Variants in ZNF831 observed in about 807,000 individuals in gnomAD.
ZNF831 encodes the protein zinc finger protein 831, also known as chromosome 20 open reading frame 174.
In ZNF831, 59 loss-of-function variants were observed where a neutral mutation model predicts 95.8. The observed-to-expected ratio is 0.62, with a 90% CI of 0.50 to 0.77. The LOEUF (loss-of-function observed/expected upper bound fraction) is 0.77, where lower values mean the gene tolerates loss of function less well. ZNF831 is among the 30% of genes least tolerant of loss of function. The pLI is 0.00. For synonymous variants in ZNF831, 961 were observed against 925.5 expected (o/e 1.04, Z -0.70); for missense variants, 2,205 against 2,164.0 (o/e 1.02, Z -0.38).
rs772028984 is a variant in ZNF831 at position 59,254,191 on chromosome 20, T to C, written c.4482T>C (p.Cys1494=). 6.2e-7 allele frequency: 1 copy of C among 1,614,124 alleles called. No homozygotes were observed. The change falls in exon 6 of 6, where the codon TGT becomes TGC. Residue 1494 remains cysteine (C), a synonymous_variant. Coordinates refer to ENST00000371030, the MANE Select transcript of ZNF831 (RefSeq NM_178457.3). The surrounding 1 kb of genome is among the most constrained non-coding windows in gnomAD (Gnocchi z 4.5). ...HDIATSVAAV[C]ISLPVRTDHI... ...TTGCTACCTCTGTGGCTGCCGTTTG[T>C]ATTTCTCTGCCAGTGAGAACAGATC...
At chr20:59,209,779 ATTTC>A (rs1985164561) in intron 4 of ZNF831, among the ~76,000 whole-genome samples, 1 of 134,950 alleles carries the variant, frequency 7.4e-6, no homozygotes, top group Non-Finnish European at 1.6e-5. Flanking sequence ...ATTTCCTGCT[ATTTC>A]CTTGGTTTGT....
At chr20:59,130,424 T>C (rs544874093) in intron 1 of ZNF831, among the ~76,000 whole-genome samples, 41 of 152,336 alleles carry the variant, frequency 2.7e-4, no homozygotes, top group African/African-American at 8.7e-4. Context: ...GCATCCGGCC[T>C]GGCACTCTGA....
chr20:59,186,443 G>A (rs1174170991), intron 1 of ZNF831, among the ~76,000 whole-genome samples: 1 of 152,146 alleles, frequency 6.6e-6, no homozygotes, highest in African/African-American at 2.4e-5. Flanking sequence ...TGAAATAAAT[G>A]GAGCGCTTAC....
Position 59,195,975 on chromosome 20 carries a change from A to G in ZNF831, c.3845A>G (p.Lys1282Arg). 6.2e-7 allele frequency: 1 copy of G among 1,614,156 alleles called. No homozygotes were observed. Among genetic ancestry groups the G allele is most frequent in the Non-Finnish European group, 8.5e-7 (1 of 1,180,002 alleles). The part of the protein sequence containing the change: ...WRAKMSRGNS[K>R]QRKLKINPKR... Reference sequence around the variant, plus strand: ...GCAAAGATGTCTCGTGGGAACAGCAAGCAGAGAAAACTGAAGATCAACCCT... The same window carrying G: ...GCAAAGATGTCTCGTGGGAACAGCAGGCAGAGAAAACTGAAGATCAACCCT... The change falls in exon 3 of 6, where the codon AAG (lysine) becomes AGG (arginine). Residue 1282 changes from lysine (K) to arginine (R), a missense_variant. Transcript: ENST00000371030.
chr20:59,174,290 G>C (rs1368320672), intron 1 of ZNF831, among the ~76,000 whole-genome samples: 2 of 152,174 alleles, frequency 1.3e-5, no homozygotes, highest in East Asian at 3.8e-4. Flanking sequence ...AAGGCTGTAG[G>C]CTGCACAGGG....
rs373394158 is a variant in ZNF831 at position 59,194,600 on chromosome 20, T to C, written c.3581T>C (p.Leu1194Pro). 3 of 1,612,254 alleles carry C rather than the reference T, an allele frequency of 1.9e-6. No individual in the cohort carries two copies. Among genetic ancestry groups the C allele is most frequent in the African/African-American group, 1.3e-5 (1 of 74,892 alleles). Residue 1194 changes from leucine to proline, a missense_variant, in exon 2 of 6, where the codon CTG becomes CCG. Leu to Pro is a moderately conservative substitution (Grantham distance 98). Transcript: ENST00000371030. ...TGTTGCCTGAGCCGCAGTGTCCCTC[T>C]GCCCGCGGAGCAGAAGGCAAAGGCG... ...TWCCLSRSVP[L>P]PAEQKAKAAS...
At chr20:59,199,567 T>C (rs936718391) in intron 3 of ZNF831, among the ~76,000 whole-genome samples, 3 of 152,198 alleles carry the variant, frequency 2.0e-5, no homozygotes, top group East Asian at 3.9e-4. Flanking sequence ...ATCAAATTCA[T>C]TCATTCTGAT....
rs548096771 is a variant in ZNF831 at position 59,130,571 on chromosome 20, G to T, written c.-1425+7066G>T. ...CTGTGTGAACATGTCCTGTGGATGT[G>T]GGTGCACCTTGGGGCTTCTAAACGC... On this transcript the variant is annotated intron_variant, in intron 1 of 7. Transcript: ENST00000637017. Among the ~76,000 whole-genome samples, 100 of 152,284 alleles carry T rather than the reference G, an allele frequency of 6.6e-4. 1 individual carries two copies. The highest frequency in any genetic ancestry group is 4.4e-3 in the Admixed American group (67 of 15,298).
chr20:59,216,487 G>A (rs911494589), intron 4 of ZNF831, among the ~76,000 whole-genome samples: 30 of 152,124 alleles, frequency 2.0e-4, no homozygotes, highest in African/African-American at 6.8e-4. Flanking sequence ...GCGTGATCTC[G>A]GCTCACTGCA....
At chr20:59,186,108 T>C (rs560831439) in intron 1 of ZNF831, among the ~76,000 whole-genome samples, 1 of 152,198 alleles carries the variant, frequency 6.6e-6, no homozygotes, top group South Asian at 2.1e-4. Flanking sequence ...CTGGGGTGCA[T>C]GTTCTACATG....
intron 1 of ZNF831, among the ~76,000 whole-genome samples, chr20:59,144,748 C>T (rs1033224412): frequency 3.3e-5 from 5 of 152,198 alleles, no homozygotes; most frequent in Non-Finnish European, 5.9e-5. Flanking sequence ...CCCTGCCTCT[C>T]GTCCTGGTAG....
rs747236932 is a variant in ZNF831, at chr20:59,194,701, A to C, written c.3682A>C (p.Asn1228His). 2 of 1,606,702 alleles carry C rather than the reference A, an allele frequency of 1.2e-6. No homozygotes were observed. Among genetic ancestry groups the C allele is most frequent in the South Asian group, 2.2e-5 (2 of 89,778 alleles). The stretch of plus-strand genomic sequence containing the variant: ...GGGTCCCAATGGCCCTCCTGGGAGC[A>C]ATGGAGGATGGACCTGGACAAGCCC... Reference protein sequence around the residue: ...DEGPNGPPGSNGGWTWTSPGE... With the variant: ...DEGPNGPPGSHGGWTWTSPGE... Residue 1228 changes from asparagine (N) to histidine (H), a missense_variant, in exon 2 of 6, where the codon AAT becomes CAT. Asn to His is a moderately conservative substitution (Grantham distance 68, BLOSUM62 1). Transcript: ENST00000371030.
At chr20:59,154,777 G>A (rs77382469) in intron 2 of ZNF831, among the ~76,000 whole-genome samples, 1,669 of 152,252 alleles carry the variant, frequency 0.011, 16 homozygotes, top group Middle Eastern at 0.031. Flanking sequence ...GGCACTCACC[G>A]CACCGTCTTT....
Position 59,169,675 on chromosome 20 carries a change from G to A in ZNF831, c.-37+5468G>A, listed in dbSNP as rs1216647795. 6.6e-6 allele frequency among the ~76,000 whole-genome samples: 1 copy of A among 152,128 alleles called. No homozygotes were observed. Among genetic ancestry groups the A allele is most frequent in the Non-Finnish European group, 1.5e-5 (1 of 68,018 alleles). ...CAGCATGTTGCAAGCTGAGGCAGGA[G>A]GATCAGTTGAGGTCAGGAGTTTGAG... is the stretch of plus-strand genomic sequence containing the variant. On this transcript the variant is annotated intron_variant, in intron 1 of 5. Coordinates refer to ENST00000371030, the MANE Select transcript of ZNF831 (RefSeq NM_178457.3). This position sits in a 1 kb window ranked among gnomAD's most constrained non-coding sequence, Gnocchi z 4.1.
chr20:59,152,542 A>G (rs1213805367), intron 2 of ZNF831, among the ~76,000 whole-genome samples: 3 of 152,192 alleles, frequency 2.0e-5, no homozygotes, highest in Non-Finnish European at 4.4e-5. Flanking sequence ...GAGCTGGCGA[A>G]TAGGGTACAA....
chr20:59,193,620 G>T lies in ZNF831; in HGVS notation c.2601G>T (p.Gly867=), dbSNP rs1983809991. Residue 867 remains glycine, a synonymous_variant, in exon 2 of 6, where the codon GGG becomes GGT. Coordinates refer to ENST00000371030, the MANE Select transcript of ZNF831 (RefSeq NM_178457.3). Reference sequence around the variant, plus strand: ...ATGCCGATCCCGGGGAGGTGCCAGGGGGCTCAAAGGAGAGTGCCAGGCAGG... The same window carrying T: ...ATGCCGATCCCGGGGAGGTGCCAGGTGGCTCAAAGGAGAGTGCCAGGCAGG... ...KQDADPGEVP[G]GSKESARQVG... 1 of 1,612,524 alleles carries T rather than the reference G, an allele frequency of 6.2e-7. No individual in the cohort carries two copies. The highest frequency in any genetic ancestry group is 8.5e-7 in the Non-Finnish European group (1 of 1,179,580).
intron 4 of ZNF831, among the ~76,000 whole-genome samples, chr20:59,213,602 A>C (rs1440640534): frequency 6.6e-6 from 1 of 152,174 alleles, no homozygotes; most frequent in Non-Finnish European, 1.5e-5. Flanking sequence ...CTTTACCTTG[A>C]GGTTCCTGAA....
intron 4 of ZNF831, among the ~76,000 whole-genome samples, chr20:59,243,275 C>A (rs928711253): frequency 2.0e-5 from 3 of 152,172 alleles, no homozygotes; most frequent in Non-Finnish European, 2.9e-5. Context: ...AAGTTATCAA[C>A]GCAGCTGCCT....
chr20:59,199,012 T>A (rs1463336059), intron 3 of ZNF831, among the ~76,000 whole-genome samples: 1 of 151,942 alleles, frequency 6.6e-6, no homozygotes, highest in Non-Finnish European at 1.5e-5. Context: ...CCCACACACA[T>A]ATGTTTGTAG....
Sources: gnomAD v4.1 joint callset for allele counts (sites outside exome capture counted in the v4.1 genomes callset) on GRCh38, gnomAD v4.1.1 for gene constraint, Gnocchi (gnomAD v3.1) non-coding constraint, MANE v1.5 for transcripts, NCBI Gene and HGNC (gene_info 2026-07-23, HGNC 2026-07-21) for gene names.